The following ANKRD17 variants were observed in gnomAD, a reference collection of about 807,000 sequenced individuals.
ANKRD17 encodes ankyrin repeat domain 17.
ANKRD17 carries 19 observed loss-of-function variants against 229.7 expected under a neutral mutation model. That is an observed-to-expected ratio of 0.08 (90% CI 0.06 to 0.12). The LOEUF (loss-of-function observed/expected upper bound fraction) is 0.12. ANKRD17 is among the 10% of genes least tolerant of loss of function. ANKRD17 has a pLI of 1.00. For missense variants in ANKRD17, 2,176 were observed against 3,176.8 expected, an observed-to-expected ratio of 0.68 and a Z score of 7.57; for synonymous variants, 1,112 against 1,146.1, an observed-to-expected ratio of 0.97 and a Z score of 0.60.
intron 1 of ANKRD17, among the ~76,000 whole-genome samples, chr4:73,222,810 A>T (rs1742032694): frequency 6.6e-6 from 1 of 152,222 alleles, no homozygotes; most frequent in East Asian, 1.9e-4. Context: ...CATGTGAACC[A>T]GTCTGAAACA....
intron 1 of ANKRD17, among the ~76,000 whole-genome samples, chr4:73,183,560 T>C (rs1163853221): frequency 1.3e-5 from 2 of 152,132 alleles, no homozygotes; most frequent in Non-Finnish European, 2.9e-5. Context: ...GTTCAAGCGA[T>C]TCTCCCACCT....
intron 24 of ANKRD17, among the ~76,000 whole-genome samples, chr4:73,110,985 C>T (rs1725245393): frequency 6.6e-6 from 1 of 152,084 alleles, no homozygotes; most frequent in Admixed American, 6.5e-5. Flanking sequence ...ATAACGCTGG[C>T]AAGAATACAA....
At chr4:73,226,596 T>C in intron 1 of ANKRD17, among the ~76,000 whole-genome samples, 1 of 151,842 alleles carries the variant, frequency 6.6e-6, no homozygotes. Context: ...GGTTTCACCA[T>C]GTTGACCAGG....
chr4:73,211,868 A>C (rs1172292737), intron 1 of ANKRD17, among the ~76,000 whole-genome samples: 4 of 151,140 alleles, frequency 2.6e-5, no homozygotes, highest in Admixed American at 1.3e-4. Flanking sequence ...AAAAAAAAAA[A>C]TCTAATTGTA....
intron 23 of ANKRD17, among the ~76,000 whole-genome samples, chr4:73,115,118 A>T (rs1186230009): frequency 6.6e-6 from 1 of 152,226 alleles, no homozygotes; most frequent in Non-Finnish European, 1.5e-5. Context: ...GATTAAAAGT[A>T]GTATGTTCAT....
chr4:73,097,312 G>T (rs749430380), intron 26 of ANKRD17, 40 bp from the exon 27 acceptor site: 1 of 1,480,816 alleles, frequency 6.8e-7, no homozygotes, highest in Non-Finnish European at 9.0e-7. Flanking sequence ...ATATGGAACA[G>T]ATGTAGAATT....
intron 16 of ANKRD17, among the ~76,000 whole-genome samples, chr4:73,132,336 T>A (rs1211070078): frequency 6.6e-6 from 1 of 152,128 alleles, no homozygotes. Flanking sequence ...CTCGAACTCC[T>A]AACCTCAGGT....
In ANKRD17 at chr4:73,092,050, C is replaced by A; in HGVS notation, c.5578G>T (p.Ala1860Ser). 6.2e-7 allele frequency: 1 copy of A among 1,614,178 alleles called. No homozygotes were observed. The highest frequency in any genetic ancestry group is 1.1e-5 in the South Asian group (1 of 91,080). The change falls in exon 29 of 34, where the codon GCA becomes TCA. Residue 1860 changes from alanine to serine, a missense_variant. Around this residue, in one of 18 missense-constraint regions of ANKRD17, gnomAD observed 142 missense variants for 200.4 expected, o/e 0.71. Coordinates refer to ENST00000358602, the MANE Select transcript of ANKRD17 (RefSeq NM_032217.5). ...TALTVPAISS[A>S]STHKTIKNPV... ...TTCTTAATGGTTTTGTGAGTGGATG[C>A]AGAAGAAATTGCAGGCACAGTGAGT...
chr4:73,144,838 T>TAA lies in ANKRD17; in HGVS notation c.1870-8_1870-7dup, dbSNP rs375888439. On this transcript the variant is annotated splice_region_variant and splice_polypyrimidine_tract_variant and intron_variant, in intron 10 of 33. Coordinates refer to ENST00000358602, the MANE Select transcript of ANKRD17 (RefSeq NM_032217.5). ...CCACCTTCAGATTCATGTTCCTGTT[T>TAA]AAAAAAAAAAAAAAAGACTTGACAT... 786 of 1,337,822 alleles carry TAA rather than the reference T, an allele frequency of 5.9e-4. No homozygotes were observed. Among genetic ancestry groups the TAA allele is most frequent in the South Asian group, 7.7e-4 (56 of 72,532 alleles). The allele number at this position is 1,337,822 out of a possible 1,614,324, so 82.9% of individuals were successfully genotyped here.
chr4:73,157,187 A>G (rs970080277), intron 3 of ANKRD17, among the ~76,000 whole-genome samples: 3 of 152,178 alleles, frequency 2.0e-5, no homozygotes, highest in Non-Finnish European at 4.4e-5. Context: ...TAAAATGTGC[A>G]AAACTTCCAC....
At position 73,092,311 on chromosome 4, in the gene ANKRD17, A is replaced by C; in HGVS notation, c.5328-11T>G. 1 of 1,579,096 alleles carries C rather than the reference A, an allele frequency of 6.3e-7. No individual in the cohort carries two copies. The highest frequency in any genetic ancestry group is 8.6e-7 in the Non-Finnish European group (1 of 1,167,542). ...GATTCAGTGCCACCCCTATAAATTGAGAAAAAAAAATTAGGTAGAATTTTC... is the reference window on the plus strand; with the variant it reads ...GATTCAGTGCCACCCCTATAAATTGCGAAAAAAAAATTAGGTAGAATTTTC... On this transcript the variant is annotated splice_polypyrimidine_tract_variant and intron_variant, in intron 28 of 33. Coordinates refer to ENST00000358602, the MANE Select transcript of ANKRD17 (RefSeq NM_032217.5).
rs769505649 is a variant in ANKRD17, at chr4:73,146,773, G to A, written c.1860C>T (p.Gly620=). The part of the protein sequence containing the change: ...TDVADVLLQA[G]ADLEHESEGG... ...AAGTAACATAGCTTACCAGATCTGC[G>A]CCTGCCTGAAGTAAGACATCTGCTA... Residue 620 remains glycine, a synonymous_variant, in exon 10 of 34, where the codon GGC becomes GGT. Coordinates refer to ENST00000358602, the MANE Select transcript of ANKRD17 (RefSeq NM_032217.5). The A allele has an allele frequency of 1.1e-5, 18 of 1,603,818 alleles. No homozygotes were observed. The highest frequency in any genetic ancestry group is 6.7e-5 in the East Asian group (3 of 44,764).
At chr4:73,099,178 C>G in intron 25 of ANKRD17, 1 of 658,644 alleles carries the variant, frequency 1.5e-6, no homozygotes. Flanking sequence ...ACTGAAGGAG[C>G]AGCTTCCTTC....
intron 22 of ANKRD17, among the ~76,000 whole-genome samples, chr4:73,117,341 A>G (rs1455295418): frequency 6.6e-6 from 1 of 152,256 alleles, no homozygotes; most frequent in Non-Finnish European, 1.5e-5. Flanking sequence ...TAAGATCTAC[A>G]AGCACTAAAT....
chr4:73,232,107 T>A (rs1348646387), intron 1 of ANKRD17, among the ~76,000 whole-genome samples: 2 of 152,224 alleles, frequency 1.3e-5, no homozygotes, highest in Admixed American at 6.5e-5. Flanking sequence ...AAGGGGATCA[T>A]GAGAACCCTG....
intron 1 of ANKRD17, among the ~76,000 whole-genome samples, chr4:73,185,800 C>A (rs1361161122): frequency 6.6e-6 from 1 of 151,920 alleles, no homozygotes; most frequent in Non-Finnish European, 1.5e-5. Flanking sequence ...GCTATGTGAA[C>A]ATAATTGAAG....
chr4:73,086,559 GA>G (rs530300943), intron 29 of ANKRD17, among the ~76,000 whole-genome samples: 2 of 147,892 alleles, frequency 1.4e-5, no homozygotes, highest in East Asian at 2.0e-4. Context: ...TAAAAATACA[GA>G]AAAAAAAGAA....
intron 2 of ANKRD17, among the ~76,000 whole-genome samples, chr4:73,173,391 C>A (rs1341014266): frequency 1.3e-5 from 2 of 152,068 alleles, no homozygotes; most frequent in African/African-American, 4.8e-5. Context: ...AGATCTTCCA[C>A]AGAGAAAATC....
intron 2 of ANKRD17, among the ~76,000 whole-genome samples, chr4:73,164,890 G>A (rs1733029915): frequency 6.7e-6 from 1 of 149,462 alleles, no homozygotes; most frequent in African/African-American, 2.4e-5. Context: ...CAGATAGAGG[G>A]CACATTAAAA....
Sources: allele counts gnomAD v4.1 joint callset (sites outside exome capture counted in the v4.1 genomes callset), GRCh38; gene constraint gnomAD v4.1.1; regional missense constraint gnomAD v4.1.1; transcripts MANE v1.5; gene names NCBI Gene and HGNC (gene_info 2026-07-23, HGNC 2026-07-21).